CAB39L: variants seen among roughly 807,000 people sequenced by gnomAD.
The protein encoded by CAB39L is calcium binding protein 39 like, also known as calcium-binding protein 39-like.
A neutral mutation model predicts 39.1 loss-of-function variants in CAB39L; 23 were observed. That is an observed-to-expected ratio of 0.59 (90% CI 0.42 to 0.83). The LOEUF (loss-of-function observed/expected upper bound fraction) is 0.83. Among genes scored for constraint, CAB39L ranks in the 40% least tolerant of loss-of-function variants. The pLI is 0.00. For missense variants in CAB39L, 366 were observed against 391.9 expected (o/e 0.93, Z 0.56); for synonymous variants, 126 against 137.2 (o/e 0.92, Z 0.57).
At chr13:49,386,256 TA>T (rs1382311492) in intron 3 of CAB39L, among the ~76,000 whole-genome samples, 1 of 152,224 alleles carries the variant, frequency 6.6e-6, no homozygotes, top group Non-Finnish European at 1.5e-5. Context: ...TTACTTAAAT[TA>T]AAAACGTTTT....
chr13:49,426,568 A>G (rs867676856), intron 3 of CAB39L, among the ~76,000 whole-genome samples: 4 of 152,232 alleles, frequency 2.6e-5, no homozygotes, highest in African/African-American at 7.2e-5. Flanking sequence ...CTGGGACTAC[A>G]GGCGCCTGCC....
rs564651501 is a variant in CAB39L, at chr13:49,393,740, T to C, written c.-31-10799A>G. Among the ~76,000 whole-genome samples, 83 of 152,118 alleles carry C rather than the reference T, an allele frequency of 5.5e-4. No individual in the cohort carries two copies. The South Asian group carries it at 0.016, about 30-fold the overall frequency. On this transcript the variant is annotated intron_variant, in intron 3 of 10. Coordinates refer to ENST00000409308, the MANE Select transcript of CAB39L (RefSeq NM_001079670.3). ...ATAGACAGAATAAATATTATTTAAA[T>C]GTCAGTTATTCTTAAAGTCCACAGT...
At chr13:49,339,633 A>T in intron 9 of CAB39L, 44 bp downstream of exon 9, 1 of 1,509,860 alleles carries the variant, frequency 6.6e-7, no homozygotes. Context: ...TGCTAATGAG[A>T]TATAAACTTA....
intron 5 of CAB39L, among the ~76,000 whole-genome samples, chr13:49,361,477 C>CAAAAAAAAAAAAAAAAAA (rs33984866): frequency 1.8e-5 from 1 of 54,440 alleles, no homozygotes. Context: ...GACTTCATCT[C>CAAAAAAAAAAAAAAAAAA]AAAAAAAAAA....
rs188861598 is a variant in CAB39L at position 49,429,416 on chromosome 13, C to T, written c.-32+3902G>A. On this transcript the variant is annotated intron_variant, in intron 3 of 10. Coordinates refer to ENST00000409308, the MANE Select transcript of CAB39L (RefSeq NM_001079670.3). ...CAAAAAATTATCATTTTTGACAACACTAATACTACAGTAATTTGCTTAACC... is the reference window on the plus strand; with the variant it reads ...CAAAAAATTATCATTTTTGACAACATTAATACTACAGTAATTTGCTTAACC... Among the ~76,000 whole-genome samples, 40 of 152,332 alleles carry T rather than the reference C, an allele frequency of 2.6e-4. No individual in the cohort carries two copies. The East Asian group carries it at 7.7e-3, about 29-fold the overall frequency.
In CAB39L at chr13:49,350,847, G is replaced by A. The variant is rs1297697627; in HGVS notation, c.461C>T (p.Pro154Leu). ...IMLRECIRHE[P>L]LAKIILFSNQ... is the part of the protein sequence containing the mutation. ...AGAAAAGAGGATGATTTTGGCAAGT[G>A]GTTCATGTCGAATACATTCTCTCAG... is the stretch of plus-strand genomic sequence containing the variant. Residue 154 changes from proline to leucine, a missense_variant, in exon 7 of 11, where the codon CCA becomes CTA. Pro to Leu is a moderately conservative substitution (Grantham distance 98). Transcript: ENST00000409308. The A allele has an allele frequency of 1.9e-6, 3 of 1,612,438 alleles. No homozygotes were observed. The highest frequency in any genetic ancestry group is 2.2e-5 in the South Asian group (2 of 90,700).
At position 49,309,731 on chromosome 13, in the gene CAB39L, A is replaced by G. The variant is rs1278250949; in HGVS notation, c.*1083T>C. The G allele has an allele frequency of 1.3e-5, 2 of 152,206 alleles. No individual in the cohort carries two copies. Among genetic ancestry groups the G allele is most frequent in the Admixed American group, 1.3e-4 (2 of 15,288 alleles). The allele number at this position is 152,206 out of a possible 1,614,324, so 9.4% of individuals were successfully genotyped here. On this transcript the variant is annotated 3_prime_UTR_variant, in exon 11 of 11. Coordinates refer to ENST00000409308, the MANE Select transcript of CAB39L (RefSeq NM_001079670.3). ...TGTATAGGCTTTCTATGTGTTCACT[A>G]AAGACTGTGATGGGCAATTATAGAA...
At chr13:49,416,004 C>T (rs9568199) in intron 3 of CAB39L, among the ~76,000 whole-genome samples, 82,781 of 151,932 alleles carry the variant, frequency 0.54, 22,670 homozygotes, top group South Asian at 0.64. Context: ...TTTTGTCCTA[C>T]AAAGCAAATA....
Position 49,309,843 on chromosome 13 carries a change from T to TC in CAB39L, c.*970dup, listed in dbSNP as rs1953936333. On this transcript the variant is annotated 3_prime_UTR_variant, in exon 11 of 11. Coordinates refer to ENST00000409308, the MANE Select transcript of CAB39L (RefSeq NM_001079670.3). ...TTTATTGATGGATCTGAGAATTTTT[T>TC]CACACATGAATCATTTCTCCTTCCA... is the stretch of plus-strand genomic sequence containing the variant. 1 of 152,198 alleles carries TC rather than the reference T, an allele frequency of 6.6e-6. No individual in the cohort carries two copies. Among genetic ancestry groups the TC allele is most frequent in the South Asian group, 2.1e-4 (1 of 4,832 alleles). The allele number at this position is 152,198 out of a possible 1,614,324, so 9.4% of individuals were successfully genotyped here.
chr13:49,325,200 T>C (rs1301619286), intron 10 of CAB39L, among the ~76,000 whole-genome samples: 1 of 152,238 alleles, frequency 6.6e-6, no homozygotes, highest in African/African-American at 2.4e-5. Context: ...AGTGAGGCCT[T>C]AATTATGACT....
At chr13:49,331,059 A>G (rs1485801853) in intron 10 of CAB39L, among the ~76,000 whole-genome samples, 1 of 152,170 alleles carries the variant, frequency 6.6e-6, no homozygotes, top group Non-Finnish European at 1.5e-5. Flanking sequence ...GCTGTAGAAA[A>G]AACTCTGGAA....
chr13:49,426,976 G>C (rs1219759866), intron 3 of CAB39L, among the ~76,000 whole-genome samples: 2 of 152,060 alleles, frequency 1.3e-5, no homozygotes, highest in Admixed American at 1.3e-4. Context: ...TTACTGTTTG[G>C]AGAGGCTGAC....
intron 7 of CAB39L, among the ~76,000 whole-genome samples, chr13:49,346,100 G>T (rs373127972): frequency 2.0e-3 from 63 of 30,886 alleles, no homozygotes; most frequent in East Asian, 6.4e-3. Flanking sequence ...ATATATGCTA[G>T]ATATATATAT....
intron 3 of CAB39L, among the ~76,000 whole-genome samples, chr13:49,430,691 T>C (rs900746004): frequency 3.9e-5 from 6 of 152,210 alleles, no homozygotes; most frequent in African/African-American, 1.4e-4. Flanking sequence ...CTAAACTTTT[T>C]CTCAAGTACA....
chr13:49,345,706 C>G (rs1955129796), intron 7 of CAB39L, among the ~76,000 whole-genome samples: 1 of 152,088 alleles, frequency 6.6e-6, no homozygotes, highest in Non-Finnish European at 1.5e-5. Flanking sequence ...ATTTTCTGAG[C>G]TGAACCAGGG....
chr13:49,418,529 T>C (rs903249001), intron 3 of CAB39L, among the ~76,000 whole-genome samples: 1 of 152,220 alleles, frequency 6.6e-6, no homozygotes, highest in Non-Finnish European at 1.5e-5. Flanking sequence ...TCTAGAATTC[T>C]AGGATACATT....
chr13:49,345,490 G>T (rs1382658133), intron 7 of CAB39L, among the ~76,000 whole-genome samples: 1 of 152,092 alleles, frequency 6.6e-6, no homozygotes, highest in Non-Finnish European at 1.5e-5. Flanking sequence ...GTTCTAAAAT[G>T]GAAAACCATT....
At chr13:49,366,720 A>G (rs1320029151) in intron 5 of CAB39L, among the ~76,000 whole-genome samples, 1 of 152,040 alleles carries the variant, frequency 6.6e-6, no homozygotes, top group African/African-American at 2.4e-5. Flanking sequence ...TAATAGTATG[A>G]AAAACAAACA....
rs1953956924 is a variant in CAB39L at position 49,310,684 on chromosome 13, A to G, written c.*130T>C. The G allele has an allele frequency of 1.2e-6, 1 of 838,300 alleles. No homozygotes were observed. 51.9% of individuals were successfully genotyped at this position (838,300 alleles called of 1,614,324 possible). ...CCATTCAAATGTTTATACTCCATCT[A>G]CCCAGAACAATTACAGCAGAAAAAA... On this transcript the variant is annotated 3_prime_UTR_variant, in exon 11 of 11. Coordinates refer to ENST00000409308, the MANE Select transcript of CAB39L (RefSeq NM_001079670.3).
Sources: gnomAD v4.1 joint callset for allele counts (sites outside exome capture counted in the v4.1 genomes callset) on GRCh38, gnomAD v4.1.1 for gene constraint, MANE v1.5 for transcripts, NCBI Gene and HGNC (gene_info 2026-07-23, HGNC 2026-07-21) for gene names.